GRIN2A: variants seen among roughly 807,000 people sequenced by gnomAD.
GRIN2A encodes the protein glutamate receptor ionotropic, NMDA 2A.
GRIN2A carries 22 observed loss-of-function variants against 113.4 expected under a neutral mutation model. The observed-to-expected ratio is 0.19, with a 90% CI of 0.14 to 0.28. The LOEUF (loss-of-function observed/expected upper bound fraction) is 0.28, where lower values mean the gene tolerates loss of function less well. Ranked by LOEUF, GRIN2A falls within the 10% of genes least tolerant of loss-of-function variation. GRIN2A has a pLI of 1.00. For missense variants in GRIN2A, 1,502 were observed against 1,887.0 expected, an observed-to-expected ratio of 0.80 and a Z score of 3.78; for synonymous variants, 827 against 738.4, an observed-to-expected ratio of 1.12 and a Z score of -1.94.
At chr16:9,851,313 C>A (rs1438974780) in intron 4 of GRIN2A, among the ~76,000 whole-genome samples, 1 of 152,132 alleles carries the variant, frequency 6.6e-6, no homozygotes, top group Non-Finnish European at 1.5e-5. Flanking sequence ...GCGAGTAGAG[C>A]AATTTGGTTA....
At chr16:9,827,002 C>T (rs2042399457) in intron 9 of GRIN2A, among the ~76,000 whole-genome samples, 1 of 152,232 alleles carries the variant, frequency 6.6e-6, no homozygotes, top group African/African-American at 2.4e-5. Flanking sequence ...CACCATACCT[C>T]CAATCACTTC....
chr16:10,039,932 C>T (rs1343099808), intron 2 of GRIN2A, among the ~76,000 whole-genome samples: 2 of 69,770 alleles, frequency 2.9e-5, no homozygotes, highest in Admixed American at 1.4e-4. Flanking sequence ...CACATGCAAA[C>T]ACACACAACC....
At chr16:9,998,070 G>GGTTATGCTT in intron 2 of GRIN2A, among the ~76,000 whole-genome samples, 1 of 152,114 alleles carries the variant, frequency 6.6e-6, no homozygotes, top group Non-Finnish European at 1.5e-5. Context: ...ACAAATAATA[G>GGTTATGCTT]GTTATGCTTT....
intron 2 of GRIN2A, among the ~76,000 whole-genome samples, chr16:10,046,526 A>G (rs1177093401): frequency 1.3e-5 from 2 of 152,092 alleles, no homozygotes; most frequent in Non-Finnish European, 2.9e-5. Context: ...TAACAAACCT[A>G]CTTTGCTTCT....
intron 2 of GRIN2A, among the ~76,000 whole-genome samples, chr16:10,106,443 A>C (rs1334048583): frequency 6.6e-6 from 1 of 152,014 alleles, no homozygotes; most frequent in East Asian, 1.9e-4. Flanking sequence ...ATAAATAAAA[A>C]TAAGAAAAAC....
chr16:9,802,597 A>C (rs1046943172), intron 10 of GRIN2A, among the ~76,000 whole-genome samples: 1 of 152,104 alleles, frequency 6.6e-6, no homozygotes, highest in Non-Finnish European at 1.5e-5. Context: ...GCAAGATATT[A>C]TTATTGTTAT....
chr16:9,848,113 A>G (rs60026515), intron 5 of GRIN2A, among the ~76,000 whole-genome samples: 4,267 of 147,468 alleles, frequency 0.029, 200 homozygotes, highest in African/African-American at 0.099. Context: ...CTATAAACAT[A>G]TAGTTTATAT....
At chr16:9,998,559 C>T (rs1304262504) in intron 2 of GRIN2A, among the ~76,000 whole-genome samples, 1 of 152,188 alleles carries the variant, frequency 6.6e-6, no homozygotes, top group African/African-American at 2.4e-5. Context: ...ATGTTATGGG[C>T]ACTTTACTGC....
chr16:9,898,801 GTTT>G (rs1157991036), intron 3 of GRIN2A, among the ~76,000 whole-genome samples: 1 of 129,212 alleles, frequency 7.7e-6, no homozygotes, highest in Non-Finnish European at 1.7e-5. Flanking sequence ...TTTTTTTTTT[GTTT>G]TTTTTTTTTC....
intron 7 of GRIN2A, among the ~76,000 whole-genome samples, chr16:9,840,349 A>G (rs1167407386): frequency 8.5e-5 from 13 of 152,062 alleles, no homozygotes; most frequent in Non-Finnish European, 2.9e-5. Flanking sequence ...AAACCGTCAG[A>G]TCTCATGAGA....
At chr16:9,862,288 C>T (rs1004020497) in intron 4 of GRIN2A, among the ~76,000 whole-genome samples, 1 of 152,092 alleles carries the variant, frequency 6.6e-6, no homozygotes, top group African/African-American at 2.4e-5. Flanking sequence ...TCAGAATTGC[C>T]TAATTGTTAC....
At chr16:9,994,429 G>C (rs896850215) in intron 2 of GRIN2A, among the ~76,000 whole-genome samples, 2 of 152,160 alleles carry the variant, frequency 1.3e-5, no homozygotes, top group African/African-American at 4.8e-5. Flanking sequence ...TGAAATGAGA[G>C]AGTCTCAGCA....
In GRIN2A at chr16:10,066,296, C is replaced by T. The variant is rs138519507; in HGVS notation, c.414+113702G>A. 7.2e-5 allele frequency among the ~76,000 whole-genome samples: 11 copies of T among 152,242 alleles called. No individual in the cohort carries two copies. The East Asian group carries it at 1.2e-3, about 16-fold the overall frequency. Reference sequence around the variant, plus strand: ...CCTGAACACTAGCTCACGAAGTGGCCGCTGGGCTCCTTCCTGGAGTCTAAT... The same window carrying T: ...CCTGAACACTAGCTCACGAAGTGGCTGCTGGGCTCCTTCCTGGAGTCTAAT... On this transcript the variant is annotated intron_variant, in intron 2 of 12. Coordinates refer to ENST00000330684, the MANE Select transcript of GRIN2A (RefSeq NM_001134407.3).
chr16:9,977,299 G>T (rs3104706), intron 2 of GRIN2A, among the ~76,000 whole-genome samples: 2 of 149,686 alleles, frequency 1.3e-5, no homozygotes, highest in African/African-American at 4.9e-5. Flanking sequence ...GAGCAAGGGA[G>T]GAAGGGGGGA....
intron 2 of GRIN2A, chr16:10,111,990 T>TAGAA: frequency 1.2e-5 from 8 of 657,316 alleles, no homozygotes; most frequent in South Asian, 9.6e-5. Context: ...TCCTTCAGCC[T>TAGAA]AGCAAGGGAA....
Position 9,764,917 on chromosome 16 carries a change from A to T in GRIN2A, c.2627T>A (p.Ile876Asn), listed in dbSNP as rs199784503. ...GIYSCIHGVH[I>N]EEKKKSPDFN... ...GTCTGGAGACTTCTTCTTTTCTTCA[A>T]TGTGCACTCCATGAATGCAGCTGTA... The change falls in exon 13 of 13, where the codon ATT becomes AAT. Residue 876 changes from isoleucine (I) to asparagine (N), a missense_variant. By Grantham distance (149) the Ile-to-Asn change is moderately radical (BLOSUM62 -3). Around this residue, in one of 7 missense-constraint regions of GRIN2A, gnomAD observed 832 missense variants for 789.7 expected, o/e 1.05. Transcript: ENST00000330684. The T allele has an allele frequency of 6.8e-6, 11 of 1,613,994 alleles. No individual in the cohort carries two copies. In the African/African-American group the frequency reaches 9.3e-5, roughly 14 times the overall value.
intron 4 of GRIN2A, among the ~76,000 whole-genome samples, chr16:9,875,845 G>C (rs369659870): frequency 2.0e-5 from 3 of 152,122 alleles, no homozygotes; most frequent in African/African-American, 4.8e-5. Context: ...CACCTCCCCA[G>C]TGCCCAGGCT....
intron 10 of GRIN2A, among the ~76,000 whole-genome samples, chr16:9,818,390 G>T (rs1450907037): frequency 1.3e-5 from 2 of 150,970 alleles, no homozygotes; most frequent in Non-Finnish European, 2.9e-5. Flanking sequence ...TAATTATCTT[G>T]TAATAAAGAA....
intron 4 of GRIN2A, among the ~76,000 whole-genome samples, chr16:9,882,179 T>C (rs1285238609): frequency 1.3e-5 from 2 of 152,088 alleles, no homozygotes; most frequent in Non-Finnish European, 1.5e-5. Flanking sequence ...GGGAAAGAGA[T>C]GGCAAGGAGA....
Sources: allele counts gnomAD v4.1 joint callset (sites outside exome capture counted in the v4.1 genomes callset), GRCh38; gene constraint gnomAD v4.1.1; regional missense constraint gnomAD v4.1.1; transcripts MANE v1.5; gene names NCBI Gene and HGNC (gene_info 2026-07-23, HGNC 2026-07-21).